The following ITGAE variants were observed in gnomAD, a reference collection of about 807,000 sequenced individuals.
ITGAE encodes integrin subunit alpha E.
In ITGAE, 99 loss-of-function variants were observed where a neutral mutation model predicts 136.5. That is an observed-to-expected ratio of 0.73 (90% CI 0.62 to 0.86). ITGAE has a LOEUF of 0.86. Among genes scored for constraint, ITGAE ranks in the 40% least tolerant of loss-of-function variants. The pLI is 0.00. For synonymous variants in ITGAE, 613 were observed against 591.8 expected, an observed-to-expected ratio of 1.04 and a Z score of -0.52; for missense variants, 1,447 against 1,515.3, an observed-to-expected ratio of 0.95 and a Z score of 0.75.
rs75280975 is a variant in ITGAE, at chr17:3,766,318, C to G, written c.156-2358G>C. ...CCTTCTAGGAGGGAGGCAGGAGAAT[C>G]AGAGTCGGAGAAAGTTGTGAAGCTT... On this transcript the variant is annotated intron_variant, in intron 2 of 30. Coordinates refer to ENST00000263087, the MANE Select transcript of ITGAE (RefSeq NM_002208.5). Among the ~76,000 whole-genome samples, 672 of 152,264 alleles carry G rather than the reference C, an allele frequency of 4.4e-3. 5 individuals are homozygous for G. The highest frequency in any genetic ancestry group is 4.9e-3 in the Non-Finnish European group (332 of 67,992).
intron 1 of ITGAE, among the ~76,000 whole-genome samples, chr17:3,779,440 G>C (rs2052614729): frequency 6.6e-6 from 1 of 151,776 alleles, no homozygotes; most frequent in Non-Finnish European, 1.5e-5. Context: ...CGATTCTCCT[G>C]TCTCAGCCTC....
At position 3,773,273 on chromosome 17, in the gene ITGAE, C is replaced by T. The variant is rs553606420; in HGVS notation, c.155+4267G>A. 3.3e-5 allele frequency among the ~76,000 whole-genome samples: 5 copies of T among 152,118 alleles called. No individual in the cohort carries two copies. In the South Asian group the frequency reaches 8.3e-4, roughly 25 times the overall value. On this transcript the variant is annotated intron_variant, in intron 2 of 30. Coordinates refer to ENST00000263087, the MANE Select transcript of ITGAE (RefSeq NM_002208.5). The stretch of plus-strand genomic sequence containing the variant: ...TTGAGAGGCCGAGGCGGGCGGATCA[C>T]GAGGTCAGGAGTTCGAGACCAGCCT...
chr17:3,751,821 AT>A lies in ITGAE; in HGVS notation c.1721del (p.Asn574MetfsTer109), dbSNP rs1448660324. On this transcript the variant is annotated frameshift_variant, in exon 15 of 31. Transcript: ENST00000263087. LOFTEE classifies it high-confidence loss of function. ...RILSGHPGFT[N>X]ARFGFAMAAM... is the part of the protein sequence containing the mutation. ...CCGCCATGGCAAAGCCAAAGCGGGC[AT>A]TGGTGAACCCGGGGTGCCCACTCAG... 5 of 1,614,156 alleles carry A rather than the reference AT, an allele frequency of 3.1e-6. No individual in the cohort carries two copies. The highest frequency in any genetic ancestry group is 4.2e-6 in the Non-Finnish European group (5 of 1,179,996).
At chr17:3,731,479 T>C (rs559339874) in intron 22 of ITGAE, among the ~76,000 whole-genome samples, 3 of 151,634 alleles carry the variant, frequency 2.0e-5, no homozygotes, top group South Asian at 2.1e-4. Context: ...GTAGCTGGGA[T>C]TACAGGCACG....
intron 1 of ITGAE, among the ~76,000 whole-genome samples, chr17:3,797,151 A>T (rs1435926121): frequency 8.9e-5 from 2 of 22,408 alleles, no homozygotes; most frequent in African/African-American, 2.2e-4. Context: ...ATATATATAT[A>T]TATATATTTT....
At chr17:3,760,052 A>G in intron 7 of ITGAE, 120 bp downstream of exon 7, 1 of 665,202 alleles carries the variant, frequency 1.5e-6, no homozygotes, top group Non-Finnish European at 2.7e-6. Flanking sequence ...AGAATCATCC[A>G]GCTGAGCCCA....
At chr17:3,788,709 T>TATTTAAAAATAATA (rs2052858884) in intron 1 of ITGAE, among the ~76,000 whole-genome samples, 2 of 146,176 alleles carry the variant, frequency 1.4e-5, no homozygotes, top group Non-Finnish European at 3.0e-5. Context: ...AAATAATAAT[T>TATTTAAAAATAATA]ATTAAAATAA....
chr17:3,759,333 T>G (rs921007817), intron 8 of ITGAE, 69 bp downstream of exon 8: 2 of 1,561,638 alleles, frequency 1.3e-6, no homozygotes, highest in Admixed American at 1.7e-5. Flanking sequence ...GGCCAGCCAC[T>G]TCCTCCATGA....
In ITGAE at chr17:3,735,381, G is replaced by A. The variant is rs577844609; in HGVS notation, c.2523-432C>T. On this transcript the variant is annotated intron_variant, in intron 20 of 30. Coordinates refer to ENST00000263087, the MANE Select transcript of ITGAE (RefSeq NM_002208.5). ...GGGGTTTCTCCACGTTGGTCAGGCTGGTCTCGAACTCCTGACCTCAGGTGA... is the reference window on the plus strand; with the variant it reads ...GGGGTTTCTCCACGTTGGTCAGGCTAGTCTCGAACTCCTGACCTCAGGTGA... Among the ~76,000 whole-genome samples, 9 of 152,314 alleles carry A rather than the reference G, an allele frequency of 5.9e-5. No individual in the cohort carries two copies. In the East Asian group the frequency reaches 1.7e-3, roughly 29 times the overall value.
rs1597381525 is a variant in ITGAE, at chr17:3,799,879, C to T, written c.34+1232G>A. ...GTGGCTCATGCCTGTAGTCCCAACA[C>T]TTTGGGAGGCCGAGGCAGGTCGATC... is the stretch of plus-strand genomic sequence containing the variant. On this transcript the variant is annotated intron_variant, in intron 1 of 30. Transcript: ENST00000263087. The surrounding 1 kb of genome is among the most constrained non-coding windows in gnomAD (Gnocchi z 4.1). Among the ~76,000 whole-genome samples, 1 of 152,184 alleles carries T rather than the reference C, an allele frequency of 6.6e-6. No homozygotes were observed. The highest frequency in any genetic ancestry group is 1.9e-4 in the East Asian group (1 of 5,188).
chr17:3,734,840 G>A lies in ITGAE; in HGVS notation c.2632C>T (p.Leu878=). 6.2e-7 allele frequency: 1 copy of A among 1,614,188 alleles called. No homozygotes were observed. Among genetic ancestry groups the A allele is most frequent in the Non-Finnish European group, 8.5e-7 (1 of 1,180,020 alleles). The part of the protein sequence containing the change: ...TSMALNYPRN[L]QLKRMQKPPS... ...ACCTTTTGCATCCTCTTCAACTGCA[G>A]GTTTCTGGGGTAATTCAAGGCCATG... The change falls in exon 21 of 31, where the codon CTG becomes TTG. Residue 878 remains leucine (L), a synonymous_variant. Transcript: ENST00000263087.
chr17:3,744,286 C>CA (rs2051659847), intron 18 of ITGAE, among the ~76,000 whole-genome samples: 1 of 152,152 alleles, frequency 6.6e-6, no homozygotes, highest in African/African-American at 2.4e-5. Flanking sequence ...ACACGTCCTT[C>CA]AAGCAAGCTG....
chr17:3,771,052 C>T (rs2052409060), intron 2 of ITGAE, among the ~76,000 whole-genome samples: 2 of 151,914 alleles, frequency 1.3e-5, no homozygotes, highest in African/African-American at 2.4e-5. Context: ...CACATATGCC[C>T]TCCCCAAAAA....
intron 1 of ITGAE, among the ~76,000 whole-genome samples, chr17:3,778,363 G>T (rs569111122): frequency 6.6e-6 from 1 of 152,250 alleles, no homozygotes; most frequent in African/African-American, 2.4e-5. Flanking sequence ...AGGAGTTCGA[G>T]ACCAGCCTGG....
chr17:3,741,505 T>A lies in ITGAE; in HGVS notation c.2449-1627A>T, dbSNP rs1025576012. On this transcript the variant is annotated intron_variant, in intron 19 of 30. Transcript: ENST00000263087. ...AGAACGCACTCTCTGGTAACACCGA[T>A]GTGCCTAATACCACGTGGTTTTTTC... is the stretch of plus-strand genomic sequence containing the variant. 1.1e-3 allele frequency among the ~76,000 whole-genome samples: 163 copies of A among 152,312 alleles called. 1 individual carries two copies. Among genetic ancestry groups the A allele is most frequent in the Non-Finnish European group, 2.1e-3 (141 of 68,026 alleles).
intron 2 of ITGAE, among the ~76,000 whole-genome samples, chr17:3,772,135 C>T (rs1228352111): frequency 4.6e-5 from 7 of 152,186 alleles, no homozygotes; most frequent in African/African-American, 1.7e-4. Context: ...GCCTGCCATC[C>T]CCTTCCCGTT....
chr17:3,724,147 TC>T, intron 26 of ITGAE: 1 of 1,595,014 alleles, frequency 6.3e-7, no homozygotes, highest in Non-Finnish European at 8.5e-7. Flanking sequence ...GACCCCGACT[TC>T]CCCGGCAGCC....
chr17:3,777,969 G>A (rs955077811), intron 1 of ITGAE, among the ~76,000 whole-genome samples: 9 of 151,838 alleles, frequency 5.9e-5, no homozygotes, highest in Non-Finnish European at 1.3e-4. Context: ...GACACACAGC[G>A]TGTACTCACG....
chr17:3,751,592 CAT>C, intron 15 of ITGAE, 56 bp downstream of exon 15: 1 of 1,507,018 alleles, frequency 6.6e-7, no homozygotes, highest in South Asian at 1.1e-5. Flanking sequence ...CTTGGGTCAT[CAT>C]ATCTGAGAGA....
Sources: allele counts gnomAD v4.1 joint callset (sites outside exome capture counted in the v4.1 genomes callset), GRCh38; gene constraint gnomAD v4.1.1; non-coding constraint Gnocchi (gnomAD v3.1); transcripts MANE v1.5; gene names NCBI Gene and HGNC (gene_info 2026-07-23, HGNC 2026-07-21).